Variants in RPS3A observed in about 807,000 individuals in gnomAD.
RPS3A encodes the protein ribosomal protein S3A, also known as small ribosomal subunit protein eS1.
In RPS3A, 1 loss-of-function variant was observed where a neutral mutation model predicts 26.4. The observed-to-expected ratio is 0.04, with a 90% CI of 0.01 to 0.18. RPS3A has a LOEUF of 0.18. RPS3A is among the 10% of genes least tolerant of loss of function. RPS3A has a pLI of 1.00. For missense variants in RPS3A, 139 were observed against 326.8 expected (o/e 0.43, Z 4.43); for synonymous variants, 97 against 106.1 (o/e 0.91, Z 0.53).
intron 4 of RPS3A, chr4:151,103,633 G>C (rs1747227940): frequency 9.3e-7 from 1 of 1,075,238 alleles, no homozygotes; most frequent in Non-Finnish European, 1.1e-6. Flanking sequence ...TGAGTGGGGT[G>C]GGATGTGCCT....
chr4:151,103,735 CAAAAAAT>C, intron 4 of RPS3A: 1 of 1,140,314 alleles, frequency 8.8e-7, no homozygotes, highest in East Asian at 6.3e-5. Context: ...GACCCTGTCC[CAAAAAAT>C]AAAAAATATA....
intron 3 of RPS3A, among the ~76,000 whole-genome samples, chr4:151,102,545 AGGG>A (rs146146423): frequency 6.6e-6 from 1 of 151,986 alleles, no homozygotes; most frequent in Admixed American, 6.6e-5. Flanking sequence ...TTTACACTTG[AGGG>A]GGTATGAGCT....
chr4:151,101,309 C>A, intron 3 of RPS3A, 147 bp downstream of exon 3: 1 of 514,470 alleles, frequency 1.9e-6, no homozygotes, highest in Non-Finnish European at 3.3e-6. Context: ...TTTTTGTTTT[C>A]TTGCCGTTGT....
chr4:151,103,895 A>C (rs1561165690), intron 4 of RPS3A: 2 of 1,459,562 alleles, frequency 1.4e-6, no homozygotes, highest in South Asian at 2.2e-5. Context: ...TGATGTTCCC[A>C]TGCAATATAC....
chr4:151,100,458 G>A (rs1314334383), intron 1 of RPS3A, 27 bp from the exon 2 acceptor site: 1 of 1,213,624 alleles, frequency 8.2e-7, no homozygotes, highest in East Asian at 2.3e-5. Context: ...ATCTGCAATG[G>A]AACTTAAGCA....
chr4:151,102,094 C>G, intron 3 of RPS3A: 2 of 517,878 alleles, frequency 3.9e-6, no homozygotes, highest in South Asian at 2.8e-5. Context: ...CCAAATGATA[C>G]ATACTGATTA....
chr4:151,100,296 A>G, intron 1 of RPS3A, 189 bp from the exon 2 acceptor site: 2 of 568,600 alleles, frequency 3.5e-6, no homozygotes, highest in Admixed American at 6.2e-5. Flanking sequence ...TCAAAGTCTG[A>G]TGCATGCAGT....
intron 3 of RPS3A, chr4:151,102,608 A>C (rs1747177207): frequency 2.2e-6 from 1 of 458,614 alleles, no homozygotes; most frequent in African/African-American, 2.0e-5. Flanking sequence ...GGATGCCGTC[A>C]AGATAGTGGT....
intron 4 of RPS3A, chr4:151,103,587 T>G (rs1747225410): frequency 2.9e-6 from 3 of 1,049,198 alleles, no homozygotes; most frequent in Non-Finnish European, 3.5e-6. Flanking sequence ...GGACAGGAAA[T>G]GTTTTTCCCC....
intron 1 of RPS3A, among the ~76,000 whole-genome samples, chr4:151,100,139 T>C (rs1287321604): frequency 1.3e-5 from 2 of 152,218 alleles, no homozygotes; most frequent in Non-Finnish European, 2.9e-5. Context: ...ATGCAGTCTC[T>C]TAGTTACCAG....
intron 1 of RPS3A, 96 bp downstream of exon 1, chr4:151,099,810 C>A: frequency 7.5e-7 from 1 of 1,331,638 alleles, no homozygotes; most frequent in Non-Finnish European, 1.1e-6. Flanking sequence ...GGCGAGGATT[C>A]CAGTCGGATT....
chr4:151,099,750 G>T, intron 1 of RPS3A, 36 bp downstream of exon 1: 1 of 1,593,522 alleles, frequency 6.3e-7, no homozygotes, highest in African/African-American at 1.3e-5. Context: ...TGCTTTTTGG[G>T]GGTCTGCTGG....
intron 4 of RPS3A, 34 bp from the exon 5 acceptor site, chr4:151,104,142 CT>C (rs1303960481): frequency 1.2e-5 from 19 of 1,586,728 alleles, no homozygotes. Context: ...AGAACTAGGA[CT>C]TTTAGAAAAA....
chr4:151,103,423 T>C, intron 4 of RPS3A: 5 of 771,336 alleles, frequency 6.5e-6, no homozygotes, highest in Non-Finnish European at 8.1e-6. Context: ...CCAGCTAATT[T>C]TTTTAAATTT....
At position 151,104,313 on chromosome 4, in the gene RPS3A, T is replaced by C. The variant is rs200833757; in HGVS notation, c.673+27T>C. 1,703 of 1,607,426 alleles carry C rather than the reference T, an allele frequency of 1.1e-3. 7 individuals carry two copies. The highest frequency in any genetic ancestry group is 5.6e-3 in the South Asian group (504 of 89,592). On this transcript the variant is annotated intron_variant, in intron 5 of 5. Coordinates refer to ENST00000274065, the MANE Select transcript of RPS3A (RefSeq NM_001006.5). ...TAAGTGAGAAATCACATGATTCCTG[T>C]AGGGCCAAATACATTGTTTTTGGGT...
chr4:151,101,624 C>T (rs968086047), intron 3 of RPS3A, among the ~76,000 whole-genome samples: 2 of 151,932 alleles, frequency 1.3e-5, no homozygotes, highest in South Asian at 2.1e-4. Flanking sequence ...TTCTAAGCCT[C>T]GGTTTCTTTA....
rs1747194122 is a variant in RPS3A, at chr4:151,102,895, G to A, written c.379G>A (p.Val127Ile). ...WQTMIEAHVD[V>I]KTTDGYLLRL... ...GACAATGATTGAAGCTCACGTTGATGTCAAGACTACCGATGGTTACTTGCT... is the reference window on the plus strand; with the variant it reads ...GACAATGATTGAAGCTCACGTTGATATCAAGACTACCGATGGTTACTTGCT... Residue 127 changes from valine to isoleucine, a missense_variant, in exon 4 of 6, where the codon GTC (valine) becomes ATC (isoleucine). Around this residue, in one of 3 missense-constraint regions of RPS3A, gnomAD observed 96 missense variants for 209.8 expected, o/e 0.46. Transcript: ENST00000274065. The A allele has an allele frequency of 6.2e-7, 1 of 1,611,592 alleles. No homozygotes were observed. The highest frequency in any genetic ancestry group is 1.3e-5 in the African/African-American group (1 of 74,868).
intron 1 of RPS3A, 74 bp from the exon 2 acceptor site, chr4:151,100,411 G>A: frequency 2.4e-6 from 2 of 838,532 alleles, no homozygotes; most frequent in Non-Finnish European, 4.0e-6. Context: ...ATATTAATGG[G>A]AAATACCATT....
chr4:151,103,575 A>G, intron 4 of RPS3A: 2 of 1,047,900 alleles, frequency 1.9e-6, no homozygotes, highest in Non-Finnish European at 1.2e-6. Flanking sequence ...GATGGAGTTG[A>G]AGGACAGGAA....
Sources: allele counts gnomAD v4.1 joint callset (sites outside exome capture counted in the v4.1 genomes callset), GRCh38; gene constraint gnomAD v4.1.1; regional missense constraint gnomAD v4.1.1; transcripts MANE v1.5; gene names NCBI Gene and HGNC (gene_info 2026-07-23, HGNC 2026-07-21).